The following CACNA2D1 variants were observed in gnomAD, a reference collection of about 807,000 sequenced individuals.
CACNA2D1 encodes the protein calcium voltage-gated channel auxiliary subunit alpha2delta 1.
Under a neutral mutation model 171.5 loss-of-function variants are expected in CACNA2D1, and 53 were observed. The ratio of observed to expected loss-of-function variants is 0.31; its 90% confidence interval spans 0.25 to 0.39. CACNA2D1 has a LOEUF of 0.39. Ranked by LOEUF, CACNA2D1 falls within the 10% of genes least tolerant of loss-of-function variation. The pLI, the probability that CACNA2D1 is intolerant of heterozygous loss-of-function variation, is 1.00. For synonymous variants in CACNA2D1, 442 were observed against 443.1 expected, an observed-to-expected ratio of 1.00 and a Z score of 0.03; for missense variants, 903 against 1,299.8, an observed-to-expected ratio of 0.69 and a Z score of 4.69.
At chr7:82,425,621 A>C (rs1179974901) in intron 1 of CACNA2D1, among the ~76,000 whole-genome samples, 1 of 149,712 alleles carries the variant, frequency 6.7e-6, no homozygotes, top group African/African-American at 2.5e-5. Context: ...AGCTCACTGC[A>C]GCCCCAACGT....
At chr7:82,179,157 G>C (rs951014703) in intron 3 of CACNA2D1, among the ~76,000 whole-genome samples, 5 of 152,042 alleles carry the variant, frequency 3.3e-5, no homozygotes, top group South Asian at 2.1e-4. Flanking sequence ...TATGGCTAGG[G>C]AAGTGGCAAG....
At position 81,946,541 on chromosome 7, in the gene CACNA2D1, T is replaced by C. The variant is rs547502401; in HGVS notation, c.*3851A>G. The C allele has an allele frequency of 5.3e-5, 8 of 152,304 alleles. No homozygotes were observed. The highest frequency in any genetic ancestry group is 1.3e-4 in the Admixed American group (2 of 15,284). 9.4% of individuals were successfully genotyped at this position (152,304 alleles called of 1,614,324 possible). On this transcript the variant is annotated 3_prime_UTR_variant, in exon 39 of 39. Coordinates refer to ENST00000356860, the MANE Select transcript of CACNA2D1 (RefSeq NM_000722.4). Reference sequence around the variant, plus strand: ...TTATAAATATTTTATAACAGTATTATACAAATTTTTACAAAATGTTTTTAT... The same window carrying C: ...TTATAAATATTTTATAACAGTATTACACAAATTTTTACAAAATGTTTTTAT...
intron 10 of CACNA2D1, 58 bp downstream of exon 10, chr7:82,060,370 C>G: frequency 1.8e-6 from 2 of 1,111,672 alleles, no homozygotes; most frequent in Non-Finnish European, 2.7e-6. Context: ...TACCTAAAGT[C>G]AGGAGAAGAT....
intron 3 of CACNA2D1, among the ~76,000 whole-genome samples, chr7:82,172,977 T>C (rs1166846285): frequency 6.6e-6 from 1 of 152,056 alleles, no homozygotes. Flanking sequence ...CACAGGAAGA[T>C]GCTGTTTCAG....
chr7:81,947,513 A>G lies in CACNA2D1; in HGVS notation c.*2879T>C, dbSNP rs1344770068. 2 of 152,002 alleles carry G rather than the reference A, an allele frequency of 1.3e-5. No homozygotes were observed. The highest frequency in any genetic ancestry group is 2.9e-5 in the Non-Finnish European group (2 of 67,890). 9.4% of individuals were successfully genotyped at this position (152,002 alleles called of 1,614,324 possible). The stretch of plus-strand genomic sequence containing the variant: ...TGTTTGGCAGTAATGCTGGTTGTTT[A>G]AATGAGGAAAATAAAAAGAAATCAT... On this transcript the variant is annotated 3_prime_UTR_variant, in exon 39 of 39. Transcript: ENST00000356860.
intron 3 of CACNA2D1, among the ~76,000 whole-genome samples, chr7:82,287,484 T>C (rs1215576518): frequency 6.6e-6 from 1 of 152,208 alleles, no homozygotes; most frequent in African/African-American, 2.4e-5. Context: ...TTCCATTTTC[T>C]TTCTCATACA....
intron 1 of CACNA2D1, among the ~76,000 whole-genome samples, chr7:82,361,700 A>G (rs2129447268): frequency 6.6e-6 from 1 of 152,292 alleles, no homozygotes; most frequent in East Asian, 1.9e-4. Flanking sequence ...TACGCTCAGT[A>G]GATTAAAAAC....
rs373911809 is a variant in CACNA2D1 at position 82,060,489 on chromosome 7, C to T, written c.818G>A (p.Arg273Gln). The T allele has an allele frequency of 8.7e-6, 14 of 1,609,588 alleles. No individual in the cohort carries two copies. Among genetic ancestry groups the T allele is most frequent in the African/African-American group, 8.1e-5 (6 of 74,436 alleles). The change falls in exon 10 of 39, where the codon CGA becomes CAA. Residue 273 changes from arginine (R) to glutamine (Q), a missense_variant. Physicochemically the swap from Arg to Gln is conservative, Grantham distance 43. Around this residue, in one of 5 missense-constraint regions of CACNA2D1, gnomAD observed 12 missense variants for 50.7 expected, o/e 0.24. Coordinates refer to ENST00000356860, the MANE Select transcript of CACNA2D1 (RefSeq NM_000722.4). ...TTCTAACATTTCGGAGACAGATGTT[C>T]GGATCAGTTTAAGTGTCAATCCACT... is the stretch of plus-strand genomic sequence containing the variant. ...SVSGLTLKLI[R>Q]TSVSEMLETL...
At chr7:82,380,600 ATATATAATTAAAATT>A (rs1266499438) in intron 1 of CACNA2D1, among the ~76,000 whole-genome samples, 3 of 152,124 alleles carry the variant, frequency 2.0e-5, no homozygotes, top group Non-Finnish European at 2.9e-5. Context: ...ATTTTGTGAA[ATATATAATTAAAATT>A]TATATAATTA....
intron 3 of CACNA2D1, among the ~76,000 whole-genome samples, chr7:82,208,496 G>T (rs549691098): frequency 8.7e-4 from 132 of 152,150 alleles, no homozygotes; most frequent in African/African-American, 3.0e-3. Context: ...CAACTACACA[G>T]GTAACTTCCC....
At chr7:82,399,095 G>A (rs571467918) in intron 1 of CACNA2D1, among the ~76,000 whole-genome samples, 2 of 152,254 alleles carry the variant, frequency 1.3e-5, no homozygotes, top group East Asian at 3.9e-4. Flanking sequence ...AGTATGAGAT[G>A]AAGTTTAAAG....
chr7:81,963,939 C>A (rs1397039473), intron 34 of CACNA2D1, 117 bp downstream of exon 34: 1 of 808,684 alleles, frequency 1.2e-6, no homozygotes, highest in South Asian at 1.5e-5. Context: ...AGAATGAAAA[C>A]AACTTAACTC....
chr7:82,051,395 A>G (rs1805182498), intron 10 of CACNA2D1, among the ~76,000 whole-genome samples: 1 of 151,778 alleles, frequency 6.6e-6, no homozygotes, highest in Admixed American at 6.6e-5. Flanking sequence ...ATCTGGACAA[A>G]AGGTACAACT....
At chr7:82,137,151 AATG>A (rs1337443540) in intron 4 of CACNA2D1, among the ~76,000 whole-genome samples, 5 of 152,204 alleles carry the variant, frequency 3.3e-5, no homozygotes, top group African/African-American at 7.2e-5. Flanking sequence ...TCAGAAAAGA[AATG>A]ATGAGCACCA....
intron 4 of CACNA2D1, among the ~76,000 whole-genome samples, chr7:82,142,883 C>T (rs1350248083): frequency 6.6e-6 from 1 of 152,132 alleles, no homozygotes; most frequent in East Asian, 1.9e-4. Flanking sequence ...TCATTTATAG[C>T]TCAAATTTTC....
At position 81,967,757 on chromosome 7, in the gene CACNA2D1, T is replaced by C. The variant is rs1584221197; in HGVS notation, c.2396-94A>G. The C allele has an allele frequency of 3.0e-5, 20 of 661,894 alleles. No individual in the cohort carries two copies. In the East Asian group the frequency reaches 5.3e-4, roughly 17 times the overall value. 41.0% of individuals were successfully genotyped at this position (661,894 alleles called of 1,614,324 possible). A position where few individuals can be genotyped will look rare whatever the true frequency, so the allele number is the denominator to read the frequency against. On this transcript the variant is annotated intron_variant, in intron 29 of 38. Coordinates refer to ENST00000356860, the MANE Select transcript of CACNA2D1 (RefSeq NM_000722.4). The stretch of plus-strand genomic sequence containing the variant: ...TATTTTGATAGCAAGTATCAGACTA[T>C]AGTTTATTACAGAAGTTTTAGTTTT...
At chr7:82,139,371 A>C (rs1160714581) in intron 4 of CACNA2D1, among the ~76,000 whole-genome samples, 1 of 152,208 alleles carries the variant, frequency 6.6e-6, no homozygotes, top group Non-Finnish European at 1.5e-5. Flanking sequence ...TGATCCTGTT[A>C]AGAGCTATGC....
intron 3 of CACNA2D1, among the ~76,000 whole-genome samples, chr7:82,251,454 G>A (rs985503556): frequency 6.6e-6 from 1 of 151,976 alleles, no homozygotes; most frequent in African/African-American, 2.4e-5. Flanking sequence ...GCATTTCATT[G>A]TACATTCATG....
chr7:82,247,586 C>T (rs38552), intron 3 of CACNA2D1, among the ~76,000 whole-genome samples: 41,847 of 151,948 alleles, frequency 0.28, 6,638 homozygotes, highest in Non-Finnish European at 0.36. Flanking sequence ...AAAGTAAATC[C>T]AAGCATGCAT....
Sources: allele counts gnomAD v4.1 joint callset (sites outside exome capture counted in the v4.1 genomes callset), GRCh38; gene constraint gnomAD v4.1.1; regional missense constraint gnomAD v4.1.1; transcripts MANE v1.5; gene names NCBI Gene and HGNC (gene_info 2026-07-23, HGNC 2026-07-21).